DSP: variants seen among roughly 807,000 people sequenced by gnomAD.
DSP encodes 250/210 kDa paraneoplastic pemphigus antigen.
DSP carries 114 observed loss-of-function variants against 290.6 expected under a neutral mutation model. The observed-to-expected ratio is 0.39, with a 90% confidence interval of 0.34 to 0.46. The LOEUF (loss-of-function observed/expected upper bound fraction) is 0.46. Ranked by LOEUF, DSP falls within the 20% of genes least tolerant of loss-of-function variation. The pLI is 0.99. For missense variants in DSP, 3,230 were observed against 3,495.8 expected, an observed-to-expected ratio of 0.92 and a Z score of 1.92; for synonymous variants, 1,311 against 1,316.4, an observed-to-expected ratio of 1.00 and a Z score of 0.09.
chr6:7,569,192 G>T lies in DSP; in HGVS notation c.1426G>T (p.Val476Leu), dbSNP rs367987327. Residue 476 changes from valine to leucine, a missense_variant, in exon 12 of 24, where the codon GTG becomes TTG. Physicochemically the swap from Val to Leu is conservative, Grantham distance 32. This residue lies in a region of DSP where 646 missense variants were observed against 684.3 expected (regional missense o/e 0.94). Transcript: ENST00000379802. ...LCDYKQDQKI[V>L]HKGDECILKD... ...GGGGTTGCTTGCCTTACAGAAAATC[G>T]TGCATAAGGGGGATGAGTGTATCCT... 2 of 1,614,050 alleles carry T rather than the reference G, an allele frequency of 1.2e-6. No individual in the cohort carries two copies. Among genetic ancestry groups the T allele is most frequent in the African/African-American group, 1.3e-5 (1 of 74,916 alleles).
Position 7,559,411 on chromosome 6 carries a change from T to A in DSP, c.597+11T>A, listed in dbSNP as rs747718191. 1 of 1,612,200 alleles carries A rather than the reference T, an allele frequency of 6.2e-7. No individual in the cohort carries two copies. Among genetic ancestry groups the A allele is most frequent in the Non-Finnish European group, 8.5e-7 (1 of 1,179,914 alleles). On this transcript the variant is annotated intron_variant, in intron 4 of 23. Coordinates refer to ENST00000379802, the MANE Select transcript of DSP (RefSeq NM_004415.4). ...ATGAGGCAGCAAAGGGTAAGCAGCT[T>A]CTTGAACAGCCCAAACCTGTGCAGG...
rs989922991 is a variant in DSP at position 7,585,838 on chromosome 6, C to G, written c.8576C>G (p.Ser2859Cys). The G allele has an allele frequency of 6.2e-7, 1 of 1,614,032 alleles. No individual in the cohort carries two copies. The highest frequency in any genetic ancestry group is 1.3e-5 in the African/African-American group (1 of 75,040). ...GACGCCACAGGGAATTCTTCCTACT[C>G]TTATTCCTACTCATTTAGCAGTAGT... ...SFDATGNSSY[S>C]YSYSFSSSSI... Residue 2859 changes from serine to cysteine, a missense_variant, in exon 24 of 24, where the codon TCT becomes TGT. Physicochemically the swap from Ser to Cys is moderately radical, Grantham distance 112. Around this residue, in one of 5 missense-constraint regions of DSP, gnomAD observed 582 missense variants for 555.4 expected, o/e 1.05. Transcript: ENST00000379802.
In DSP at chr6:7,582,930, A is replaced by G. The variant is rs762079110; in HGVS notation, c.5668A>G (p.Arg1890Gly). 10 of 1,613,990 alleles carry G rather than the reference A, an allele frequency of 6.2e-6. No individual in the cohort carries two copies. The African/African-American group carries it at 8.0e-5, about 13-fold the overall frequency. ...KIESEREKSE[R>G]EKNSLRSEIE... ...AGAATCGGAAAGAGAAAAGAGTGAGAGAGAGAAGAACAGTCTTAGGAGTGA... is the reference window on the plus strand; with the variant it reads ...AGAATCGGAAAGAGAAAAGAGTGAGGGAGAGAAGAACAGTCTTAGGAGTGA... Residue 1890 changes from arginine (R) to glycine (G), a missense_variant, in exon 24 of 24, where the codon AGA becomes GGA. This residue lies in a region of DSP where 1,714 missense variants were observed against 1,844.5 expected (regional missense o/e 0.93). Coordinates refer to ENST00000379802, the MANE Select transcript of DSP (RefSeq NM_004415.4). The surrounding 1 kb of genome is among the most constrained non-coding windows in gnomAD (Gnocchi z 4.2).
In DSP at chr6:7,574,971, AG is replaced by A. The variant is rs1272913500; in HGVS notation, c.2436+178del. Among the ~76,000 whole-genome samples, 10 of 152,364 alleles carry A rather than the reference AG, an allele frequency of 6.6e-5. No individual in the cohort carries two copies. The East Asian group carries it at 1.9e-3, about 29-fold the overall frequency. ...ACTCTGTTTTCCAGACTGTGTTAGC[AG>A]GAACTATATAAGAAAGTAATTCGTG... On this transcript the variant is annotated intron_variant, in intron 17 of 23. Transcript: ENST00000379802.
intron 1 of DSP, among the ~76,000 whole-genome samples, chr6:7,547,738 T>G (rs1758207813): frequency 6.6e-6 from 1 of 152,086 alleles, no homozygotes; most frequent in Non-Finnish European, 1.5e-5. Context: ...CACCTGGCCT[T>G]TGAATTTTCT....
chr6:7,571,797 A>G lies in DSP; in HGVS notation c.1904-45A>G, dbSNP rs368491749. 165 of 1,587,396 alleles carry G rather than the reference A, an allele frequency of 1.0e-4. No individual in the cohort carries two copies. The African/African-American group carries it at 1.9e-3, about 18-fold the overall frequency. On this transcript the variant is annotated intron_variant, in intron 14 of 23. Transcript: ENST00000379802. ...GTTTTTTGAGGCCTAGCACCTTGATACCTAGGTATTCTCTGATTTTTGTGG... is the reference window on the plus strand; with the variant it reads ...GTTTTTTGAGGCCTAGCACCTTGATGCCTAGGTATTCTCTGATTTTTGTGG...
Position 7,565,651 on chromosome 6 carries a change from C to A in DSP, c.939+131C>A. 5 of 1,271,874 alleles carry A rather than the reference C, an allele frequency of 3.9e-6. No homozygotes were observed. The highest frequency in any genetic ancestry group is 3.3e-6 in the Non-Finnish European group (3 of 902,948). 78.8% of individuals were successfully genotyped at this position (1,271,874 alleles called of 1,614,324 possible). A position where few individuals can be genotyped will look rare whatever the true frequency, so the allele number is the denominator to read the frequency against. ...GCAATTCAGCCTTCTTTGAAATGGTCGTGAAAAATCCTTCCTTCCTGAAAA... is the reference window on the plus strand; with the variant it reads ...GCAATTCAGCCTTCTTTGAAATGGTAGTGAAAAATCCTTCCTTCCTGAAAA... On this transcript the variant is annotated intron_variant, in intron 7 of 23. Coordinates refer to ENST00000379802, the MANE Select transcript of DSP (RefSeq NM_004415.4). The surrounding 1 kb of genome is among the most constrained non-coding windows in gnomAD (Gnocchi z 4.2).
intron 20 of DSP, among the ~76,000 whole-genome samples, chr6:7,577,358 C>T (rs1032652513): frequency 3.3e-5 from 5 of 152,074 alleles, no homozygotes; most frequent in African/African-American, 1.2e-4. Context: ...GAGAGAGTTT[C>T]GCTCTTGCTG....
At chr6:7,581,933 A>G (rs1759451598) in intron 23 of DSP, among the ~76,000 whole-genome samples, 1 of 152,144 alleles carries the variant, frequency 6.6e-6, no homozygotes, top group Non-Finnish European at 1.5e-5. Flanking sequence ...TCTTAAATAG[A>G]AGCCATACTA....
At chr6:7,549,155 T>A (rs1301264631) in intron 1 of DSP, among the ~76,000 whole-genome samples, 1 of 115,362 alleles carries the variant, frequency 8.7e-6, no homozygotes, top group African/African-American at 2.9e-5. Flanking sequence ...TTAATGAATT[T>A]TTTTTTTTTT....
At chr6:7,548,139 C>T (rs759569713) in intron 1 of DSP, among the ~76,000 whole-genome samples, 1 of 152,022 alleles carries the variant, frequency 6.6e-6, no homozygotes, top group Non-Finnish European at 1.5e-5. Flanking sequence ...TGGTGGCGGG[C>T]TCCTGTAGTC....
rs760880170 is a variant in DSP, at chr6:7,580,202, G to A, written c.4012G>A (p.Ala1338Thr). 4.3e-6 allele frequency: 7 copies of A among 1,614,040 alleles called. No individual in the cohort carries two copies. Among genetic ancestry groups the A allele is most frequent in the Non-Finnish European group, 5.9e-6 (7 of 1,180,034 alleles). Residue 1338 changes from alanine to threonine, a missense_variant, in exon 23 of 24, where the codon GCC becomes ACC. Coordinates refer to ENST00000379802, the MANE Select transcript of DSP (RefSeq NM_004415.4). This position sits in a 1 kb window ranked among gnomAD's most constrained non-coding sequence, Gnocchi z 4.2. Reference protein sequence around the residue: ...ERLKAEFQEEAKRRWEYENEL... With the variant: ...ERLKAEFQEETKRRWEYENEL... ...ACTCAAAGCTGAGTTTCAGGAGGAG[G>A]CCAAGCGCCGCTGGGAATATGAAAA... is the stretch of plus-strand genomic sequence containing the variant.
At chr6:7,581,639 A>G in intron 23 of DSP, 70 bp downstream of exon 23, 1 of 1,593,310 alleles carries the variant, frequency 6.3e-7, no homozygotes, top group Admixed American at 1.7e-5. Flanking sequence ...TCTCATCTGA[A>G]CTGTGCTCTT....
rs1392630837 is a variant in DSP at position 7,580,137 on chromosome 6, C to T, written c.3947C>T (p.Ala1316Val). Residue 1316 changes from alanine to valine, a missense_variant, in exon 23 of 24, where the codon GCT becomes GTT. Ala to Val is a moderately conservative substitution (Grantham distance 64, BLOSUM62 0). Around this residue, in one of 5 missense-constraint regions of DSP, gnomAD observed 1,714 missense variants for 1,844.5 expected, o/e 0.93. Transcript: ENST00000379802. The surrounding 1 kb of genome is among the most constrained non-coding windows in gnomAD (Gnocchi z 4.2). Reference sequence around the variant, plus strand: ...CGGCACAAGCAGTCCCTGGAGGAGGCTGCCAAGACCATTCAGGACAAAAAT... The same window carrying T: ...CGGCACAAGCAGTCCCTGGAGGAGGTTGCCAAGACCATTCAGGACAAAAAT... ...NARHKQSLEE[A>V]AKTIQDKNKE... 2.5e-6 allele frequency: 4 copies of T among 1,614,048 alleles called. No homozygotes were observed. The highest frequency in any genetic ancestry group is 3.4e-6 in the Non-Finnish European group (4 of 1,180,002).
chr6:7,564,685 G>A (rs1758802863), intron 6 of DSP, among the ~76,000 whole-genome samples: 1 of 152,136 alleles, frequency 6.6e-6, no homozygotes, highest in South Asian at 2.1e-4. Context: ...TATTTGTAAT[G>A]TTCCCAACAC....
chr6:7,574,868 C>T (rs1581809936), intron 17 of DSP, 73 bp downstream of exon 17: 17 of 1,605,156 alleles, frequency 1.1e-5, no homozygotes, highest in Admixed American at 1.7e-5. Flanking sequence ...ATTATAAAGC[C>T]TCACTGGGTT....
rs768845836 is a variant in DSP at position 7,582,933 on chromosome 6, GAGA to G, written c.5676_5678del (p.Lys1892del). On this transcript the variant is annotated inframe_deletion, in exon 24 of 24. Coordinates refer to ENST00000379802, the MANE Select transcript of DSP (RefSeq NM_004415.4). This position sits in a 1 kb window ranked among gnomAD's most constrained non-coding sequence, Gnocchi z 4.2. ...ATCGGAAAGAGAAAAGAGTGAGAGA[GAGA>G]AGAACAGTCTTAGGAGTGAGATCGA... 1.5e-5 allele frequency: 25 copies of G among 1,613,968 alleles called. No homozygotes were observed. Among genetic ancestry groups the G allele is most frequent in the Non-Finnish European group, 1.7e-5 (20 of 1,180,034 alleles).
intron 9 of DSP, 99 bp downstream of exon 9, chr6:7,567,548 G>T: frequency 8.1e-7 from 1 of 1,240,544 alleles, no homozygotes. Flanking sequence ...TCAAAATGTT[G>T]CATAAATCCT....
chr6:7,551,155 G>GAAC (rs1758330513), intron 1 of DSP, among the ~76,000 whole-genome samples: 1 of 151,950 alleles, frequency 6.6e-6, no homozygotes, highest in East Asian at 1.9e-4. Context: ...AATGAGTTTG[G>GAAC]TCATTTCCTA....
Sources: allele counts gnomAD v4.1 joint callset (sites outside exome capture counted in the v4.1 genomes callset), GRCh38; gene constraint gnomAD v4.1.1; regional missense constraint gnomAD v4.1.1; non-coding constraint Gnocchi (gnomAD v3.1); transcripts MANE v1.5; gene names NCBI Gene and HGNC (gene_info 2026-07-23, HGNC 2026-07-21).